The following GBP4 variants were observed in gnomAD, a reference collection of about 807,000 sequenced individuals.
The protein encoded by GBP4 is guanylate binding protein 4.
GBP4 carries 69 observed loss-of-function variants against 62.2 expected under a neutral mutation model. The ratio of observed to expected loss-of-function variants is 1.11; its 90% CI spans 0.91 to 1.36. The LOEUF (loss-of-function observed/expected upper bound fraction) is 1.36, where lower values mean the gene tolerates loss of function less well. Among genes scored for constraint, GBP4 ranks in the 40% most tolerant of loss-of-function variants. The probability of loss-of-function intolerance (pLI) is 0.00; values close to 1 mark genes in which losing one functional copy is unlikely to be tolerated. For synonymous variants in GBP4, 278 were observed against 274.6 expected, an observed-to-expected ratio of 1.01 and a Z score of -0.12; for missense variants, 697 against 759.3, an observed-to-expected ratio of 0.92 and a Z score of 0.96.
chr1:89,193,054 T>G lies in GBP4; in HGVS notation c.520A>C (p.Arg174=). 1 of 1,614,202 alleles carries G rather than the reference T, an allele frequency of 6.2e-7. No homozygotes were observed. Among genetic ancestry groups the G allele is most frequent in the Non-Finnish European group, 8.5e-7 (1 of 1,180,030 alleles). ...CTGGAGTCCTCAGCTTCATCAGGTC[T>G]GGGGCAGGATTTTGCCCTGATTAGC... The part of the protein sequence containing the change: ...AELIRAKSCP[R]PDEAEDSSEF... Residue 174 remains arginine (R), a synonymous_variant, in exon 5 of 11, where the codon AGA becomes CGA. Coordinates refer to ENST00000355754, the MANE Select transcript of GBP4 (RefSeq NM_052941.5).
intron 2 of GBP4, among the ~76,000 whole-genome samples, 157 bp from the exon 3 acceptor site, chr1:89,195,581 T>C (rs1648314028): frequency 6.6e-6 from 1 of 152,208 alleles, no homozygotes; most frequent in Non-Finnish European, 1.5e-5. Context: ...TTTATATGTA[T>C]TAAGAATTTT....
intron 3 of GBP4, among the ~76,000 whole-genome samples, chr1:89,194,105 G>A (rs1423131886): frequency 6.6e-6 from 1 of 152,158 alleles, no homozygotes; most frequent in Admixed American, 6.5e-5. Flanking sequence ...TTGTGAAGAA[G>A]GACGGATAAA....
chr1:89,195,478 C>A, intron 2 of GBP4, 54 bp from the exon 3 acceptor site: 7 of 1,601,412 alleles, frequency 4.4e-6, no homozygotes, highest in Non-Finnish European at 6.0e-6. Context: ...CCAGGATGTC[C>A]CAGGATTACA....
chr1:89,190,313 C>T lies in GBP4; in HGVS notation c.922G>A (p.Gly308Arg). Residue 308 changes from glycine (G) to arginine (R), a missense_variant, in exon 7 of 11, where the codon GGG becomes AGG. Physicochemically the swap from Gly to Arg is moderately radical, Grantham distance 125. Transcript: ENST00000355754. ...EGIIVTGKRLGTLVVTYVDAI... is the reference protein window; with the variant it reads ...EGIIVTGKRLRTLVVTYVDAI... ...TCTACATAAGTCACCACCAGAGTCC[C>T]CAGCCCTGAATCACATATATTTAGG... 6 of 1,598,776 alleles carry T rather than the reference C, an allele frequency of 3.8e-6. No homozygotes were observed. The highest frequency in any genetic ancestry group is 5.1e-6 in the Non-Finnish European group (6 of 1,168,002).
At chr1:89,187,163 G>A (rs12129014) in intron 8 of GBP4, 61 bp from the exon 9 acceptor site, 246,648 of 1,283,562 alleles carry the variant, frequency 0.19, 26,987 homozygotes, top group East Asian at 0.4. Flanking sequence ...TTATGATGGC[G>A]AAATTATTGT....
At position 89,198,899 on chromosome 1, in the gene GBP4, C is replaced by T; in HGVS notation, c.-65G>A. ...TGTTCTTAGAAGCTGAAAGTCCAGC[C>T]GGATTTACAGACATCCAAGTAAGAG... is the stretch of plus-strand genomic sequence containing the variant. On this transcript the variant is annotated 5_prime_UTR_variant, in exon 1 of 11. Coordinates refer to ENST00000355754, the MANE Select transcript of GBP4 (RefSeq NM_052941.5). 6.8e-7 allele frequency: 1 copy of T among 1,470,760 alleles called. No individual in the cohort carries two copies. Among genetic ancestry groups the T allele is most frequent in the Non-Finnish European group, 9.5e-7 (1 of 1,049,162 alleles). The allele number at this position is 1,470,760 out of a possible 1,614,324, so 91.1% of individuals were successfully genotyped here. A position where few individuals can be genotyped will look rare whatever the true frequency, so the allele number is the denominator to read the frequency against.
At chr1:89,190,499 C>T (rs1189032042) in intron 6 of GBP4, among the ~76,000 whole-genome samples, 181 bp from the exon 7 acceptor site, 2 of 152,056 alleles carry the variant, frequency 1.3e-5, no homozygotes, top group Non-Finnish European at 2.9e-5. Context: ...ATAATAACAT[C>T]CCTATTTTTC....
In GBP4 at chr1:89,197,168, T is replaced by C. The variant is rs1648368316; in HGVS notation, c.177A>G (p.Val59=). 1 of 1,614,054 alleles carries C rather than the reference T, an allele frequency of 6.2e-7. No homozygotes were observed. The highest frequency in any genetic ancestry group is 8.5e-7 in the Non-Finnish European group (1 of 1,180,008). ...AGGATTTTCCTGTGCGGTATAGCCC[T>C]ACAATGGCCACCACCACCACGGGCT... ...ISQPVVVVAI[V]GLYRTGKSYL... is the part of the protein sequence containing the mutation. The change falls in exon 2 of 11, where the codon GTA becomes GTG. Residue 59 remains valine, a synonymous_variant. Transcript: ENST00000355754.
intron 3 of GBP4, 48 bp downstream of exon 3, chr1:89,195,249 T>C (rs1444522692): frequency 6.3e-7 from 1 of 1,596,822 alleles, no homozygotes; most frequent in Non-Finnish European, 8.5e-7. Flanking sequence ...GCTGAAAAAA[T>C]TAAAAGATGA....
At chr1:89,186,628 G>A in intron 9 of GBP4, 102 bp from the exon 10 acceptor site, 1 of 1,009,846 alleles carries the variant, frequency 9.9e-7, no homozygotes, top group African/African-American at 1.6e-5. Flanking sequence ...GCACAAAGGT[G>A]AGGGATTGGG....
chr1:89,196,221 C>T lies in GBP4; in HGVS notation c.236-797G>A, dbSNP rs527538914. On this transcript the variant is annotated intron_variant, in intron 2 of 10. Coordinates refer to ENST00000355754, the MANE Select transcript of GBP4 (RefSeq NM_052941.5). ...TAAATGTACTGTCCTTAGGTAGTGGCATACTGTCTGAGGGTATAAATAATG... is the reference window on the plus strand; with the variant it reads ...TAAATGTACTGTCCTTAGGTAGTGGTATACTGTCTGAGGGTATAAATAATG... 2.0e-5 allele frequency among the ~76,000 whole-genome samples: 3 copies of T among 152,230 alleles called. No homozygotes were observed. The East Asian group carries it at 5.8e-4, about 29-fold the overall frequency.
chr1:89,191,278 A>C lies in GBP4; in HGVS notation c.899T>G (p.Ile300Ser). The change falls in exon 6 of 11, where the codon ATC (isoleucine) becomes AGC (serine). Residue 300 changes from isoleucine (I) to serine (S), a missense_variant. Around this residue, in one of 2 missense-constraint regions of GBP4, gnomAD observed 556 missense variants for 562.7 expected, o/e 0.99. Transcript: ENST00000355754. ...HAKTKTLREG[I>S]IVTGKRLGTL... ...AGACTCACGCTTTCCAGTGACAATG[A>C]TTCCCTCTCTCAGGGTCTTGGTCTT... The C allele has an allele frequency of 6.2e-7, 1 of 1,612,682 alleles. No individual in the cohort carries two copies. The highest frequency in any genetic ancestry group is 8.5e-7 in the Non-Finnish European group (1 of 1,178,708).
Position 89,186,361 on chromosome 1 carries a change from T to C in GBP4, c.1679A>G (p.His560Arg). ...EEERENLLREHERLLKHKLKV... is the reference protein window; with the variant it reads ...EEERENLLRERERLLKHKLKV... ...CAGCTTGTGTTTTAGCAGCCTTTCA[T>C]GCTCTCTGAGAAGGTTTTCCCTTTC... Residue 560 changes from histidine to arginine, a missense_variant, in exon 10 of 11, where the codon CAT becomes CGT. By Grantham distance (29) the His-to-Arg change is conservative. Around this residue, in one of 2 missense-constraint regions of GBP4, gnomAD observed 141 missense variants for 196.6 expected, o/e 0.72. Coordinates refer to ENST00000355754, the MANE Select transcript of GBP4 (RefSeq NM_052941.5). The C allele has an allele frequency of 6.2e-7, 1 of 1,613,074 alleles. No individual in the cohort carries two copies. Among genetic ancestry groups the C allele is most frequent in the South Asian group, 1.1e-5 (1 of 91,040 alleles).
At chr1:89,197,009 G>A in intron 2 of GBP4, 101 bp downstream of exon 2, 1 of 881,432 alleles carries the variant, frequency 1.1e-6, no homozygotes, top group South Asian at 2.2e-5. Flanking sequence ...TCTTCATTGG[G>A]AGAAGTCATG....
At chr1:89,195,248 A>G (rs757660290) in intron 3 of GBP4, 49 bp downstream of exon 3, 9 of 1,597,360 alleles carry the variant, frequency 5.6e-6, no homozygotes, top group Non-Finnish European at 6.8e-6. Flanking sequence ...AGCTGAAAAA[A>G]TTAAAAGATG....
At chr1:89,191,209 C>G in intron 6 of GBP4, 52 bp downstream of exon 6, 1 of 1,589,798 alleles carries the variant, frequency 6.3e-7, no homozygotes, top group African/African-American at 1.3e-5. Context: ...ATTACAGCTT[C>G]AACACATCCT....
chr1:89,187,177 A>G, intron 8 of GBP4, 75 bp from the exon 9 acceptor site: 2 of 1,172,968 alleles, frequency 1.7e-6, no homozygotes, highest in Non-Finnish European at 2.6e-6. Flanking sequence ...TTATTGTTCA[A>G]TAAAGTCACA....
Position 89,186,330 on chromosome 1 carries a change from C to T in GBP4, c.1707+3G>A, listed in dbSNP as rs1449555537. ...GGCACTGCCATTCTTCACGGAGACT[C>T]ACCTTCAGCTTGTGTTTTAGCAGCC... On this transcript the variant is annotated splice_donor_region_variant and intron_variant, in intron 10 of 10. Transcript: ENST00000355754. 3 of 1,612,234 alleles carry T rather than the reference C, an allele frequency of 1.9e-6. No homozygotes were observed. In the South Asian group the frequency reaches 3.3e-5, roughly 18 times the overall value.
Position 89,197,096 on chromosome 1 carries a change from A to G in GBP4, c.235+14T>C. ...GTTCCAAGTAAATGGCTCCTGTCCTAGGACCACACTCACCATTGCGCTTTC... is the reference window on the plus strand; with the variant it reads ...GTTCCAAGTAAATGGCTCCTGTCCTGGGACCACACTCACCATTGCGCTTTC... On this transcript the variant is annotated intron_variant, in intron 2 of 10. Coordinates refer to ENST00000355754, the MANE Select transcript of GBP4 (RefSeq NM_052941.5). The G allele has an allele frequency of 6.2e-7, 1 of 1,602,566 alleles. No individual in the cohort carries two copies. Among genetic ancestry groups the G allele is most frequent in the Non-Finnish European group, 8.5e-7 (1 of 1,173,020 alleles).
Sources: allele counts gnomAD v4.1 joint callset (sites outside exome capture counted in the v4.1 genomes callset), GRCh38; gene constraint gnomAD v4.1.1; regional missense constraint gnomAD v4.1.1; transcripts MANE v1.5; gene names NCBI Gene and HGNC (gene_info 2026-07-23, HGNC 2026-07-21).